Variants in ZBTB17 observed in about 807,000 individuals in gnomAD.
ZBTB17 encodes the protein zinc finger and BTB domain-containing protein 17.
A neutral mutation model predicts 85.1 loss-of-function variants in ZBTB17; 24 were observed. The observed-to-expected ratio is 0.28, with a 90% CI of 0.20 to 0.40. The LOEUF (loss-of-function observed/expected upper bound fraction) is 0.40, where lower values mean the gene tolerates loss of function less well. Among genes scored for constraint, ZBTB17 ranks in the 10% least tolerant of loss-of-function variants. The pLI, the probability that ZBTB17 is intolerant of heterozygous loss-of-function variation, is 1.00. For synonymous variants in ZBTB17, 464 were observed against 460.2 expected (o/e 1.01, Z -0.11); for missense variants, 743 against 1,105.1 (o/e 0.67, Z 4.65).
intron 7 of ZBTB17, 25 bp from the exon 8 acceptor site, chr1:15,944,864 G>A: frequency 6.3e-7 from 1 of 1,577,318 alleles, no homozygotes; most frequent in Non-Finnish European, 8.6e-7. Context: ...GGGAAGCGGG[G>A]TGTGAGGAGC....
rs760714519 is a variant in ZBTB17, at chr1:15,945,807, C to T, written c.569G>A (p.Arg190Gln). 7 of 1,601,946 alleles carry T rather than the reference C, an allele frequency of 4.4e-6. No individual in the cohort carries two copies. The highest frequency in any genetic ancestry group is 1.3e-5 in the African/African-American group (1 of 74,886). ...CTTGAGCTCCACAGGCGGCGGCTCC[C>T]GGGGCGCATCGGCTTTCTCTGTCTG... ...AEQTEKADAPREPPPVELKPD... is the reference protein window; with the variant it reads ...AEQTEKADAPQEPPPVELKPD... The change falls in exon 6 of 16, where the codon CGG becomes CAG. Residue 190 changes from arginine (R) to glutamine (Q), a missense_variant. This residue lies in a region of ZBTB17 where 279 missense variants were observed against 269.9 expected (regional missense o/e 1.03). Transcript: ENST00000375743.
intron 2 of ZBTB17, among the ~76,000 whole-genome samples, chr1:15,965,869 AAAAGCAAGAGTGATAAAAGC>A (rs1184849565): frequency 6.6e-6 from 1 of 152,220 alleles, no homozygotes; most frequent in African/African-American, 2.4e-5. Context: ...AACTATAAAG[AAAAGCAAGAGTGATAAAAGC>A]AAAACTCAGG....
chr1:15,943,344 T>G, intron 12 of ZBTB17, 55 bp downstream of exon 12: 1 of 1,581,402 alleles, frequency 6.3e-7, no homozygotes, highest in Admixed American at 1.7e-5. Flanking sequence ...GTTTGTCTTC[T>G]GAGCCCCCTC....
chr1:15,944,501 G>C lies in ZBTB17; in HGVS notation c.1170C>G (p.Tyr390Ter), dbSNP rs1289045914. The stretch of plus-strand genomic sequence containing the variant: ...AGAGCTTGCCGCAGTCCTCGCAGCG[G>C]TAGCGCGCCTCGCCCGAGTGCCGCT... ...HKKRHSGEAR[Y>*]RCEDCGKLFT... Residue 390 changes from tyrosine to a stop codon, truncating the protein, a stop_gained, in exon 9 of 16, where the codon TAC (tyrosine) becomes TAG (stop). Coordinates refer to ENST00000375743, the MANE Select transcript of ZBTB17 (RefSeq NM_003443.3). LOFTEE classifies it high-confidence loss of function. The C allele has an allele frequency of 6.3e-7, 1 of 1,582,542 alleles. No individual in the cohort carries two copies. Among genetic ancestry groups the C allele is most frequent in the Non-Finnish European group, 8.6e-7 (1 of 1,167,324 alleles).
intron 2 of ZBTB17, among the ~76,000 whole-genome samples, chr1:15,970,416 G>C (rs2072605251): frequency 6.6e-6 from 1 of 151,688 alleles, no homozygotes; most frequent in Admixed American, 6.6e-5. Context: ...TTTTGAGACA[G>C]AGTCTCACTC....
At chr1:15,970,642 A>G (rs2072616680) in intron 2 of ZBTB17, among the ~76,000 whole-genome samples, 1 of 151,662 alleles carries the variant, frequency 6.6e-6, no homozygotes, top group South Asian at 2.1e-4. Flanking sequence ...TCCGCTTCCC[A>G]GGTTCAAGTG....
rs547729767 is a variant in ZBTB17 at position 15,971,645 on chromosome 1, A to C, written c.-3+1394T>G. ...ATATTTTGCTGACAGAAAAAAAAAA[A>C]CGAAAAGGTTGGGGAGTGCTGCACT... is the stretch of plus-strand genomic sequence containing the variant. On this transcript the variant is annotated intron_variant, in intron 2 of 15. Transcript: ENST00000375743. Among the ~76,000 whole-genome samples the C allele has an allele frequency of 6.0e-5, 9 of 149,918 alleles. No individual in the cohort carries two copies. The South Asian group carries it at 8.4e-4, about 14-fold the overall frequency.
At chr1:15,949,649 G>A (rs1440309484) in intron 2 of ZBTB17, among the ~76,000 whole-genome samples, 3 of 152,226 alleles carry the variant, frequency 2.0e-5, no homozygotes, top group Non-Finnish European at 4.4e-5. Context: ...CCCCAGTTTC[G>A]GCAGCTCTGC....
intron 6 of ZBTB17, among the ~76,000 whole-genome samples, chr1:15,945,406 C>A (rs1255554559): frequency 2.0e-5 from 3 of 152,216 alleles, no homozygotes; most frequent in Non-Finnish European, 4.4e-5. Flanking sequence ...TGTCGGCCAG[C>A]AGGCACTGGA....
chr1:15,944,731 G>T lies in ZBTB17; in HGVS notation c.1036C>A (p.Pro346Thr). Residue 346 changes from proline to threonine, a missense_variant, in exon 8 of 16, where the codon CCG (proline) becomes ACG (threonine). Transcript: ENST00000375743. ...TTCTCATGGGCCTTGCACGCGGCCG[G>T]GTCGGAAAAGGCCTTGCTGCACTCC... is the stretch of plus-strand genomic sequence containing the variant. ...CRECSKAFSD[P>T]AACKAHEKTH... The T allele has an allele frequency of 6.2e-7, 1 of 1,611,642 alleles. No individual in the cohort carries two copies. Among genetic ancestry groups the T allele is most frequent in the Non-Finnish European group, 8.5e-7 (1 of 1,179,888 alleles).
intron 2 of ZBTB17, among the ~76,000 whole-genome samples, chr1:15,954,411 C>T (rs1350547910): frequency 1.3e-5 from 2 of 152,226 alleles, no homozygotes; most frequent in Non-Finnish European, 2.9e-5. Flanking sequence ...CAGTCCCCGG[C>T]TCCCAGAACA....
chr1:15,970,484 C>T (rs911173674), intron 2 of ZBTB17, among the ~76,000 whole-genome samples: 3 of 124,714 alleles, frequency 2.4e-5, no homozygotes, highest in African/African-American at 8.4e-5. Context: ...CTCCGCCTCC[C>T]GGGTTCTCCT....
intron 13 of ZBTB17, 46 bp from the exon 14 acceptor site, chr1:15,942,784 G>C (rs1258961641): frequency 1.3e-6 from 2 of 1,596,260 alleles, no homozygotes; most frequent in East Asian, 2.2e-5. Flanking sequence ...AGGGGCCGCA[G>C]GGATGGGGTG....
chr1:15,949,314 T>C (rs1003540937), intron 2 of ZBTB17, among the ~76,000 whole-genome samples: 3 of 152,174 alleles, frequency 2.0e-5, no homozygotes, highest in Non-Finnish European at 4.4e-5. Context: ...AAGCCGTGAC[T>C]AAGTAACTAT....
intron 2 of ZBTB17, chr1:15,969,755 T>C (rs2072575110): frequency 2.0e-6 from 1 of 495,476 alleles, no homozygotes; most frequent in Non-Finnish European, 3.9e-6. Context: ...GTGGGCCTCA[T>C]GGGACAGTGT....
intron 2 of ZBTB17, among the ~76,000 whole-genome samples, chr1:15,955,759 G>C (rs1401380281): frequency 6.6e-6 from 1 of 152,204 alleles, no homozygotes; most frequent in Non-Finnish European, 1.5e-5. Context: ...CTTGAGACCA[G>C]CCTGGGCAAC....
rs555138168 is a variant in ZBTB17, at chr1:15,945,290, A to G, written c.662-88T>C. On this transcript the variant is annotated intron_variant, in intron 6 of 15. Coordinates refer to ENST00000375743, the MANE Select transcript of ZBTB17 (RefSeq NM_003443.3). The stretch of plus-strand genomic sequence containing the variant: ...GCCGGCAACATGTGGAAGGGACAGT[A>G]AATGGCCCCAGCACTGGCCAAGGAA... The G allele has an allele frequency of 3.3e-6, 5 of 1,503,302 alleles. No homozygotes were observed. In the African/African-American group the frequency reaches 6.9e-5, roughly 21 times the overall value. The allele number at this position is 1,503,302 out of a possible 1,614,324, so 93.1% of individuals were successfully genotyped here. A position where few individuals can be genotyped will look rare whatever the true frequency, so the allele number is the denominator to read the frequency against.
rs2072869371 is a variant in ZBTB17, at chr1:15,976,026, C to T, written c.-133G>A. ...CACCGCAGAGGGAGGTGCATCACGGCCGCGAGAAGGCCGGGGACGGCACTC... is the reference window on the plus strand; with the variant it reads ...CACCGCAGAGGGAGGTGCATCACGGTCGCGAGAAGGCCGGGGACGGCACTC... On this transcript the variant is annotated 5_prime_UTR_variant, in exon 1 of 16. Coordinates refer to ENST00000375743, the MANE Select transcript of ZBTB17 (RefSeq NM_003443.3). 2.9e-6 allele frequency: 2 copies of T among 697,694 alleles called. No individual in the cohort carries two copies. The highest frequency in any genetic ancestry group is 5.2e-6 in the Non-Finnish European group (2 of 382,546). The allele number at this position is 697,694 out of a possible 1,614,324, so 43.2% of individuals were successfully genotyped here. A position where few individuals can be genotyped will look rare whatever the true frequency, so the allele number is the denominator to read the frequency against.
At chr1:15,970,184 A>G in intron 2 of ZBTB17, 1 of 514,386 alleles carries the variant, frequency 1.9e-6, no homozygotes, top group Admixed American at 3.4e-5. Context: ...TTTGCTGCCA[A>G]GTTTATTTGC....
Sources: gnomAD v4.1 joint callset for allele counts (sites outside exome capture counted in the v4.1 genomes callset) on GRCh38, gnomAD v4.1.1 for gene constraint, gnomAD v4.1.1 regional missense constraint, MANE v1.5 for transcripts, NCBI Gene and HGNC (gene_info 2026-07-23, HGNC 2026-07-21) for gene names.